Variants in THSD7A observed in about 807,000 individuals in gnomAD.
THSD7A encodes the protein thrombospondin type 1 domain containing 7A, also known as thrombospondin type-1 domain-containing protein 7A.
In THSD7A, 96 loss-of-function variants were observed where a neutral mutation model predicts 231.3. That is an observed-to-expected ratio of 0.41 (90% CI 0.35 to 0.49). THSD7A has a LOEUF of 0.49. THSD7A is among the 20% of genes least tolerant of loss of function. The pLI, the probability that THSD7A is intolerant of heterozygous loss-of-function variation, is 0.05. For missense variants in THSD7A, 2,290 were observed against 2,070.2 expected, an observed-to-expected ratio of 1.11 and a Z score of -2.06; for synonymous variants, 940 against 743.3, an observed-to-expected ratio of 1.26 and a Z score of -4.30.
At chr7:11,788,936 A>G (rs1783870354) in intron 1 of THSD7A, among the ~76,000 whole-genome samples, 1 of 151,978 alleles carries the variant, frequency 6.6e-6, no homozygotes, top group Non-Finnish European at 1.5e-5. Flanking sequence ...GAAATCAGAC[A>G]GGAAACAAGC....
intron 1 of THSD7A, among the ~76,000 whole-genome samples, chr7:11,701,352 C>A (rs1050058219): frequency 6.6e-6 from 1 of 150,980 alleles, no homozygotes; most frequent in Non-Finnish European, 1.5e-5. Context: ...ATGTGAAAAC[C>A]ATTTGAAGAC....
chr7:11,423,475 TCTC>T (rs1465214331), intron 16 of THSD7A, among the ~76,000 whole-genome samples: 1 of 151,176 alleles, frequency 6.6e-6, no homozygotes, highest in African/African-American at 2.4e-5. Context: ...TTCACGCCAT[TCTC>T]CTGCCTCAGC....
chr7:11,786,697 T>C (rs1386433370), intron 1 of THSD7A, among the ~76,000 whole-genome samples: 3 of 150,866 alleles, frequency 2.0e-5, no homozygotes, highest in Admixed American at 6.6e-5. Context: ...TACTGTAGTA[T>C]GGGTTTTGTT....
intron 19 of THSD7A, among the ~76,000 whole-genome samples, chr7:11,408,206 G>C (rs1335622240): frequency 6.6e-6 from 1 of 152,120 alleles, no homozygotes; most frequent in Non-Finnish European, 1.5e-5. Context: ...GTACAAAGTA[G>C]TATTGAAATA....
chr7:11,790,357 A>T (rs187391058), intron 1 of THSD7A, among the ~76,000 whole-genome samples: 135 of 152,052 alleles, frequency 8.9e-4, no homozygotes, highest in African/African-American at 3.0e-3. Flanking sequence ...AATATGAGCA[A>T]TTGTAGAGAG....
At chr7:11,676,937 C>G (rs372250048) in intron 1 of THSD7A, among the ~76,000 whole-genome samples, 1 of 152,042 alleles carries the variant, frequency 6.6e-6, no homozygotes, top group East Asian at 1.9e-4. Flanking sequence ...AGATACTCCT[C>G]GAGAAAAACA....
chr7:11,412,864 A>C, intron 17 of THSD7A, 64 bp from the exon 18 acceptor site: 1 of 1,548,304 alleles, frequency 6.5e-7, no homozygotes, highest in South Asian at 1.2e-5. Context: ...GGTATATTAG[A>C]GACAGCACTG....
intron 1 of THSD7A, among the ~76,000 whole-genome samples, chr7:11,679,913 G>T (rs948747260): frequency 6.6e-6 from 1 of 152,010 alleles, no homozygotes; most frequent in Non-Finnish European, 1.5e-5. Flanking sequence ...AAAGAAGAAA[G>T]CTGGAGGGAT....
At chr7:11,810,851 A>C (rs780408632) in intron 1 of THSD7A, among the ~76,000 whole-genome samples, 4 of 152,208 alleles carry the variant, frequency 2.6e-5, no homozygotes, top group Non-Finnish European at 5.9e-5. Context: ...AAAACCATTC[A>C]GAAAAATTTT....
intron 1 of THSD7A, among the ~76,000 whole-genome samples, chr7:11,659,425 G>C (rs895525307): frequency 6.6e-6 from 1 of 151,432 alleles, no homozygotes; most frequent in African/African-American, 2.4e-5. Flanking sequence ...ATTCTACGAC[G>C]TTCTGACCTG....
chr7:11,391,952 TGAATTGGGTACCTCA>T (rs577838510), intron 23 of THSD7A, among the ~76,000 whole-genome samples: 7 of 151,996 alleles, frequency 4.6e-5, no homozygotes, highest in Non-Finnish European at 1.0e-4. Flanking sequence ...CCCAATGAAA[TGAATTGGGTACCTCA>T]ATTGGAAATG....
intron 2 of THSD7A, among the ~76,000 whole-genome samples, chr7:11,594,370 A>T (rs1780281309): frequency 6.6e-6 from 1 of 152,156 alleles, no homozygotes; most frequent in Non-Finnish European, 1.5e-5. Flanking sequence ...GTTCTACAGG[A>T]GCAGAATATT....
intron 1 of THSD7A, among the ~76,000 whole-genome samples, chr7:11,699,324 T>C (rs1036356507): frequency 4.6e-5 from 7 of 151,302 alleles, no homozygotes; most frequent in Non-Finnish European, 7.4e-5. Flanking sequence ...CTAGAATTGC[T>C]CCAATTTATA....
chr7:11,509,823 A>AAAAAAAAAAAAATAAT (rs1787723596), intron 6 of THSD7A, among the ~76,000 whole-genome samples: 1 of 141,732 alleles, frequency 7.1e-6, no homozygotes, highest in African/African-American at 2.7e-5. Context: ...GTCCGTCTCA[A>AAAAAAAAAAAAATAAT]AAAAAAAAAA....
intron 6 of THSD7A, among the ~76,000 whole-genome samples, chr7:11,527,758 G>C (rs1464371824): frequency 1.3e-5 from 2 of 152,140 alleles, no homozygotes; most frequent in African/African-American, 4.8e-5. Flanking sequence ...TTCAAAGCAG[G>C]AACTTTCCCT....
intron 2 of THSD7A, among the ~76,000 whole-genome samples, chr7:11,616,889 T>C (rs537088856): frequency 3.1e-4 from 47 of 152,228 alleles, no homozygotes; most frequent in Non-Finnish European, 6.0e-4. Context: ...TCACAAGTTT[T>C]TGATTTTATT....
intron 4 of THSD7A, among the ~76,000 whole-genome samples, chr7:11,562,010 C>T (rs1790097922): frequency 6.6e-6 from 1 of 152,146 alleles, no homozygotes; most frequent in African/African-American, 2.4e-5. Context: ...CAGTTCCCAC[C>T]CAACTCCTGG....
chr7:11,621,792 G>A (rs1218759794), intron 2 of THSD7A, among the ~76,000 whole-genome samples: 1 of 152,094 alleles, frequency 6.6e-6, no homozygotes, highest in East Asian at 1.9e-4. Context: ...AACCAGTGAT[G>A]CAGTAATTTT....
chr7:11,800,799 C>G (rs753165085), intron 1 of THSD7A, among the ~76,000 whole-genome samples: 3 of 152,074 alleles, frequency 2.0e-5, no homozygotes, highest in African/African-American at 4.8e-5. Context: ...AGTCCTAGAG[C>G]TCTTCTCTAC....
Sources: gnomAD v4.1 joint callset for allele counts (sites outside exome capture counted in the v4.1 genomes callset) on GRCh38, gnomAD v4.1.1 for gene constraint, MANE v1.5 for transcripts, NCBI Gene and HGNC (gene_info 2026-07-23, HGNC 2026-07-21) for gene names.